Variants in SPSB3 observed in about 807,000 individuals in gnomAD.
The protein encoded by SPSB3 is splA/ryanodine receptor domain and SOCS box containing 3.
SPSB3 carries 18 observed loss-of-function variants against 29.5 expected under a neutral mutation model. That is an observed-to-expected ratio of 0.61 (90% CI 0.42 to 0.91). The LOEUF is 0.91. Among genes scored for constraint, SPSB3 ranks in the 40% least tolerant of loss-of-function variants. SPSB3 has a pLI of 0.00. For synonymous variants in SPSB3, 299 were observed against 214.1 expected (o/e 1.40, Z -3.46); for missense variants, 540 against 507.5 (o/e 1.06, Z -0.61).
intron 1 of SPSB3, chr16:1,782,277 G>A (rs577226539): frequency 1.3e-5 from 2 of 151,984 alleles, no homozygotes; most frequent in South Asian, 2.1e-4. Flanking sequence ...CCCCAGGCGA[G>A]CGCGTGTGCA....
rs768252214 is a variant in SPSB3, at chr16:1,777,418, G to T, written c.747C>A (p.Asn249Lys). Residue 249 changes from asparagine (N) to lysine (K), a missense_variant, in exon 7 of 7, where the codon AAC becomes AAA. By Grantham distance (94) the Asn-to-Lys change is moderately conservative (BLOSUM62 0). Coordinates refer to ENST00000566339, the MANE Select transcript of SPSB3 (RefSeq NM_080861.4). ...AGCACACCATCGGGTAGAATCTCTT[G>T]TTCTGCAGCTTGGTGGCTGCCACAC... ...CIGVAATKLQ[N>K]KRFYPMVCST... is the part of the protein sequence containing the mutation. 3.2e-6 allele frequency: 5 copies of T among 1,550,334 alleles called. No individual in the cohort carries two copies. Among genetic ancestry groups the T allele is most frequent in the Non-Finnish European group, 4.3e-6 (5 of 1,150,530 alleles).
intron 1 of SPSB3, chr16:1,782,228 G>C (rs1896746022): frequency 6.6e-6 from 1 of 152,030 alleles, no homozygotes; most frequent in African/African-American, 2.4e-5. Flanking sequence ...AGGGAGGCCG[G>C]GGCGGATCGC....
intron 2 of SPSB3, chr16:1,781,147 C>A: frequency 6.6e-7 from 1 of 1,518,770 alleles, no homozygotes; most frequent in Non-Finnish European, 8.8e-7. Flanking sequence ...GAGGTCCTGT[C>A]ACCCCTGAGG....
intron 2 of SPSB3, 64 bp from the exon 3 acceptor site, chr16:1,778,676 C>A: frequency 6.7e-7 from 1 of 1,491,254 alleles, no homozygotes; most frequent in Admixed American, 2.2e-5. Flanking sequence ...CCCTTGCCCT[C>A]TGTCCCTGTC....
At chr16:1,781,672 A>G (rs911074708) in intron 1 of SPSB3, 177 bp from the exon 2 acceptor site, 5 of 634,546 alleles carry the variant, frequency 7.9e-6, no homozygotes, top group Non-Finnish European at 1.4e-5. Context: ...GAGCAGCTCA[A>G]TAAAACCCAG....
chr16:1,781,826 C>T, intron 1 of SPSB3: 1 of 314,950 alleles, frequency 3.2e-6, no homozygotes, highest in Non-Finnish European at 6.0e-6. Flanking sequence ...CCTCCTCTGT[C>T]GTCCGGTTTG....
rs760622339 is a variant in SPSB3, at chr16:1,778,539, C to CCGG, written c.197_199dup (p.Thr66_Gly67insAla). ...CCCAGCACAGTCACAGAAGGACTCG[C>CCGG]CGGTCACGGGCACCGCACTGGGGAT... On this transcript the variant is annotated inframe_insertion, in exon 3 of 7. Coordinates refer to ENST00000566339, the MANE Select transcript of SPSB3 (RefSeq NM_080861.4). 6.2e-7 allele frequency: 1 copy of CCGG among 1,608,848 alleles called. No homozygotes were observed. Among genetic ancestry groups the CCGG allele is most frequent in the South Asian group, 1.1e-5 (1 of 90,970 alleles).
At position 1,781,513 on chromosome 16, in the gene SPSB3, C is replaced by T. The variant is rs1297156802; in HGVS notation, c.-12-18G>A. ...GAAAGAATCTAGAAGAAAACACAGG[C>T]TCTGGGCAAAGGAAGACTCACAGCA... is the stretch of plus-strand genomic sequence containing the variant. On this transcript the variant is annotated intron_variant, in intron 1 of 6. Coordinates refer to ENST00000566339, the MANE Select transcript of SPSB3 (RefSeq NM_080861.4). 2.5e-6 allele frequency: 4 copies of T among 1,607,442 alleles called. No individual in the cohort carries two copies. Among genetic ancestry groups the T allele is most frequent in the East Asian group, 4.5e-5 (2 of 44,812 alleles).
chr16:1,781,537 C>T (rs1896713208), intron 1 of SPSB3, 42 bp from the exon 2 acceptor site: 3 of 1,590,296 alleles, frequency 1.9e-6, no homozygotes, highest in African/African-American at 1.3e-5. Flanking sequence ...AGACTCACAG[C>T]ACTCCCAGCC....
At chr16:1,778,659 CCT>C in intron 2 of SPSB3, 47 bp from the exon 3 acceptor site, 1 of 1,510,904 alleles carries the variant, frequency 6.6e-7, no homozygotes, top group East Asian at 2.3e-5. Context: ...CGCTCTCTAC[CCT>C]CTCACCCTTG....
intron 2 of SPSB3, chr16:1,780,801 C>T (rs1896681908): frequency 1.2e-5 from 3 of 252,972 alleles, no homozygotes; most frequent in East Asian, 2.2e-4. Context: ...GGTGTGATCA[C>T]GGCTCACTGC....
chr16:1,778,709 A>T (rs2042751912), intron 2 of SPSB3, 97 bp from the exon 3 acceptor site: 1 of 1,381,808 alleles, frequency 7.2e-7, no homozygotes, highest in Non-Finnish European at 9.6e-7. Flanking sequence ...TGACCCACCC[A>T]GGAAAGGATG....
chr16:1,778,219 G>A lies in SPSB3; in HGVS notation c.407C>T (p.Ala136Val), dbSNP rs369515288. The A allele has an allele frequency of 3.7e-6, 6 of 1,612,896 alleles. No individual in the cohort carries two copies. Among genetic ancestry groups the A allele is most frequent in the Non-Finnish European group, 5.1e-6 (6 of 1,179,948 alleles). Residue 136 changes from alanine (A) to valine (V), a missense_variant, in exon 4 of 7, where the codon GCG (alanine) becomes GTG (valine). Transcript: ENST00000566339. ...CAGCTCCTTGGTGCCCCGGATGGCCGCTGTGCCGCAGCTGTACTCCATGTG... is the reference window on the plus strand; with the variant it reads ...CAGCTCCTTGGTGCCCCGGATGGCCACTGTGCCGCAGCTGTACTCCATGTG... ...SFHMEYSCGT[A>V]AIRGTKELGE... is the part of the protein sequence containing the mutation.
chr16:1,778,758 G>T, intron 2 of SPSB3, 146 bp from the exon 3 acceptor site: 1 of 866,480 alleles, frequency 1.2e-6, no homozygotes, highest in Non-Finnish European at 1.7e-6. Flanking sequence ...TACCCCGAGC[G>T]CACAGCCCAG....
chr16:1,776,807 C>G lies in SPSB3; in HGVS notation c.*290G>C, dbSNP rs776036717. 5 of 497,390 alleles carry G rather than the reference C, an allele frequency of 1.0e-5. No individual in the cohort carries two copies. The highest frequency in any genetic ancestry group is 3.9e-5 in the African/African-American group (2 of 51,586). 30.8% of individuals were successfully genotyped at this position (497,390 alleles called of 1,614,324 possible). A position where few individuals can be genotyped will look rare whatever the true frequency, so the allele number is the denominator to read the frequency against. ...GCATGCAGAGCAAGTTAGGAAAAAC[C>G]GAGGCCCTGTGGGAACAGCAACGCG... is the stretch of plus-strand genomic sequence containing the variant. On this transcript the variant is annotated 3_prime_UTR_variant, in exon 7 of 7. Transcript: ENST00000566339.
rs746719041 is a variant in SPSB3, at chr16:1,778,158, G to T, written c.468C>A (p.Thr156=). 1.2e-6 allele frequency: 2 copies of T among 1,612,720 alleles called. No individual in the cohort carries two copies. Among genetic ancestry groups the T allele is most frequent in the Admixed American group, 3.3e-5 (2 of 60,010 alleles). ...EGQHFWEIKM[T]SPVYGTDMMV... ...CCATGTCGGTGCCGTAGACGGGAGA[G>T]GTCATCTTGATCTCCCAGAAGTGCT... Residue 156 remains threonine (T), a synonymous_variant, in exon 4 of 7, where the codon ACC becomes ACA. Coordinates refer to ENST00000566339, the MANE Select transcript of SPSB3 (RefSeq NM_080861.4).
chr16:1,780,225 C>T (rs1896665602), intron 2 of SPSB3: 1 of 152,396 alleles, frequency 6.6e-6, no homozygotes, highest in African/African-American at 2.4e-5. Flanking sequence ...AGCCATGACC[C>T]TGCGAGGCCA....
In SPSB3 at chr16:1,777,888, G is replaced by A; in HGVS notation, c.596-16C>T. 6.2e-7 allele frequency: 1 copy of A among 1,611,948 alleles called. No homozygotes were observed. The stretch of plus-strand genomic sequence containing the variant: ...TGGAGGAGGCCTGGGGGCAGCCAGG[G>A]TCGCAGTGAGCCCGGGAGCTCCAGG... On this transcript the variant is annotated splice_polypyrimidine_tract_variant and intron_variant, in intron 5 of 6. Coordinates refer to ENST00000566339, the MANE Select transcript of SPSB3 (RefSeq NM_080861.4).
At chr16:1,782,052 G>C (rs1017848409) in intron 1 of SPSB3, 1 of 163,000 alleles carries the variant, frequency 6.1e-6, no homozygotes, top group African/African-American at 2.4e-5. Flanking sequence ...GCTGGCCGCT[G>C]TTATGGTATA....
Sources: allele counts gnomAD v4.1 joint callset, GRCh38; gene constraint gnomAD v4.1.1; transcripts MANE v1.5; gene names NCBI Gene and HGNC (gene_info 2026-07-23, HGNC 2026-07-21).